AKT3: variants seen among roughly 807,000 people sequenced by gnomAD.
AKT3 encodes the protein RAC-gamma serine/threonine-protein kinase.
Under a neutral mutation model 65.3 loss-of-function variants are expected in AKT3, and 15 were observed. That is an observed-to-expected ratio of 0.23 (90% CI 0.15 to 0.35). AKT3 has a LOEUF of 0.35. Ranked by LOEUF, AKT3 falls within the 10% of genes least tolerant of loss-of-function variation. The probability of loss-of-function intolerance (pLI) is 1.00; values close to 1 mark genes in which losing one functional copy is unlikely to be tolerated. For missense variants in AKT3, 243 were observed against 576.5 expected (o/e 0.42, Z 5.92); for synonymous variants, 206 against 183.8 (o/e 1.12, Z -0.98).
chr1:243,794,793 G>A (rs1164296120), intron 2 of AKT3, among the ~76,000 whole-genome samples: 1 of 152,196 alleles, frequency 6.6e-6, no homozygotes. Flanking sequence ...TCCAAATAGA[G>A]CAAAGCACAT....
At position 243,713,553 on chromosome 1, in the gene AKT3, T is replaced by C. The variant is rs2148082661; in HGVS notation, c.47-17837A>G. Reference sequence around the variant, plus strand: ...TTATGCGTCTCTCCAAACAACCTCTTGAACACCCTGCTGGAGCTGTCATTT... The same window carrying C: ...TTATGCGTCTCTCCAAACAACCTCTCGAACACCCTGCTGGAGCTGTCATTT... On this transcript the variant is annotated intron_variant, in intron 2 of 13. Coordinates refer to ENST00000673466, the MANE Select transcript of AKT3 (RefSeq NM_005465.7). Among the ~76,000 whole-genome samples the C allele has an allele frequency of 1.3e-5, 2 of 152,098 alleles. 1 individual carries two copies. Among genetic ancestry groups the C allele is most frequent in the Middle Eastern group, 6.8e-3 (2 of 294 alleles).
intron 6 of AKT3, among the ~76,000 whole-genome samples, chr1:243,623,511 TAAGAGCCCAAATAGGACCCAAAAAAGCA>T (rs1046731858): frequency 1.3e-5 from 2 of 152,080 alleles, no homozygotes; most frequent in Non-Finnish European, 2.9e-5. Flanking sequence ...TCCAATCAAC[TAAGAGCCCAAATAGGACCCAAAAAAGCA>T]AAGAAAAGGC....
At chr1:243,622,309 G>C (rs532622028) in intron 6 of AKT3, among the ~76,000 whole-genome samples, 21 of 152,282 alleles carry the variant, frequency 1.4e-4, no homozygotes, top group African/African-American at 5.1e-4. Context: ...CTTTCAGTGA[G>C]GCCTTCCATA....
intron 8 of AKT3, among the ~76,000 whole-genome samples, chr1:243,607,907 G>A (rs187706633): frequency 2.4e-4 from 37 of 152,190 alleles, no homozygotes; most frequent in African/African-American, 6.7e-4. Context: ...TTCCCCCTTT[G>A]CTCAGCACTT....
chr1:243,694,556 G>A (rs1213638870), intron 3 of AKT3, among the ~76,000 whole-genome samples: 1 of 150,838 alleles, frequency 6.6e-6, no homozygotes, highest in Non-Finnish European at 1.5e-5. Flanking sequence ...TATCCATATC[G>A]TTCAAATGAC....
At chr1:243,817,663 C>T (rs1397256243) in intron 2 of AKT3, among the ~76,000 whole-genome samples, 2 of 152,146 alleles carry the variant, frequency 1.3e-5, no homozygotes, top group Non-Finnish European at 2.9e-5. Flanking sequence ...ATTGCTTAAC[C>T]TAGAAGGCAG....
intron 2 of AKT3, among the ~76,000 whole-genome samples, chr1:243,747,974 A>G (rs1395167469): frequency 2.0e-5 from 3 of 152,170 alleles, no homozygotes; most frequent in African/African-American, 4.8e-5. Context: ...TTCAACCATA[A>G]TGACCTGTAA....
At chr1:243,532,613 CT>C (rs1352062360) in intron 12 of AKT3, among the ~76,000 whole-genome samples, 1 of 152,122 alleles carries the variant, frequency 6.6e-6, no homozygotes, top group African/African-American at 2.4e-5. Context: ...CTGTAGTTTT[CT>C]TTTCTTATAA....
At chr1:243,577,732 A>G (rs1019954243) in intron 8 of AKT3, among the ~76,000 whole-genome samples, 11 of 152,184 alleles carry the variant, frequency 7.2e-5, no homozygotes, top group African/African-American at 2.7e-4. Context: ...AAAAGAAACT[A>G]CCATCAGAGT....
chr1:243,837,079 G>A (rs1240099982), intron 2 of AKT3, among the ~76,000 whole-genome samples: 7 of 151,826 alleles, frequency 4.6e-5, no homozygotes, highest in South Asian at 2.1e-4. Context: ...CCCAGCACTC[G>A]GGGAGGCCAA....
intron 8 of AKT3, among the ~76,000 whole-genome samples, chr1:243,603,358 TA>T (rs1420802885): frequency 1.3e-5 from 2 of 152,216 alleles, no homozygotes; most frequent in African/African-American, 4.8e-5. Context: ...AATTCTCAGT[TA>T]TCATTGTACA....
At chr1:243,813,293 T>C (rs1348882114) in intron 2 of AKT3, among the ~76,000 whole-genome samples, 1 of 152,004 alleles carries the variant, frequency 6.6e-6, no homozygotes, top group Non-Finnish European at 1.5e-5. Flanking sequence ...AATCTAACAA[T>C]GAGGAAAAGC....
chr1:243,658,735 A>G, intron 4 of AKT3, among the ~76,000 whole-genome samples: 1 of 152,136 alleles, frequency 6.6e-6, no homozygotes. Context: ...CCATCAGCAG[A>G]TGAATGAATA....
Position 243,505,182 on chromosome 1 carries a change from G to C in AKT3, c.*67C>G, listed in dbSNP as rs958725921. On this transcript the variant is annotated 3_prime_UTR_variant, in exon 14 of 14. Coordinates refer to ENST00000673466, the MANE Select transcript of AKT3 (RefSeq NM_005465.7). ...CTGCTATGTGTAAGAGCTAGGACTG[G>C]TGATGTCCAGGAATCATTTTCAGTA... 112 of 1,453,322 alleles carry C rather than the reference G, an allele frequency of 7.7e-5. No individual in the cohort carries two copies. The highest frequency in any genetic ancestry group is 1.7e-4 in the Middle Eastern group (1 of 5,766). The allele number at this position is 1,453,322 out of a possible 1,614,324, so 90.0% of individuals were successfully genotyped here.
chr1:243,591,747 G>C (rs1558638475), intron 8 of AKT3, among the ~76,000 whole-genome samples: 2 of 151,784 alleles, frequency 1.3e-5, no homozygotes, highest in South Asian at 2.1e-4. Context: ...AACTTCAAGA[G>C]ATGAAAATGT....
At chr1:243,589,315 AAAAAAAAAAG>A (rs1177086460) in intron 8 of AKT3, among the ~76,000 whole-genome samples, 48 of 149,576 alleles carry the variant, frequency 3.2e-4, no homozygotes, top group Non-Finnish European at 4.2e-4. Context: ...TCAAAAAAAA[AAAAAAAAAAG>A]AAAAAAAAAG....
chr1:243,580,185 T>A lies in AKT3; in HGVS notation c.697-7137A>T, dbSNP rs181356648. Among the ~76,000 whole-genome samples, 69 of 152,226 alleles carry A rather than the reference T, an allele frequency of 4.5e-4. No individual in the cohort carries two copies. In the East Asian group the frequency reaches 0.013, roughly 29 times the overall value. Reference sequence around the variant, plus strand: ...CTGGAATCATGACGTACACTCCAGATCCCAGAGAGGAGAAGGCCAGCAAAC... The same window carrying A: ...CTGGAATCATGACGTACACTCCAGAACCCAGAGAGGAGAAGGCCAGCAAAC... On this transcript the variant is annotated intron_variant, in intron 8 of 13. Transcript: ENST00000673466.
At chr1:243,741,665 C>T (rs1008989475) in intron 2 of AKT3, 5 of 152,148 alleles carry the variant, frequency 3.3e-5, no homozygotes, top group Admixed American at 6.5e-5. Context: ...CATTTCCTTG[C>T]GCTAAACATC....
chr1:243,534,862 T>C (rs1671785994), intron 12 of AKT3, among the ~76,000 whole-genome samples: 1 of 152,126 alleles, frequency 6.6e-6, no homozygotes, highest in African/African-American at 2.4e-5. Flanking sequence ...ATTTATAGCA[T>C]TGAGTGCACA....
Sources: gnomAD v4.1 joint callset for allele counts (sites outside exome capture counted in the v4.1 genomes callset) on GRCh38, gnomAD v4.1.1 for gene constraint, MANE v1.5 for transcripts, NCBI Gene and HGNC (gene_info 2026-07-23, HGNC 2026-07-21) for gene names.